Variants in GABRB1 observed in about 807,000 individuals in gnomAD.
GABRB1 encodes gamma-aminobutyric acid receptor subunit beta-1.
A neutral mutation model predicts 51.6 loss-of-function variants in GABRB1; 17 were observed. That is an observed-to-expected ratio of 0.33 (90% CI 0.23 to 0.49). GABRB1 has a LOEUF of 0.49. GABRB1 is among the 20% of genes least tolerant of loss of function. GABRB1 has a pLI of 0.99. For missense variants in GABRB1, 410 were observed against 600.6 expected (o/e 0.68, Z 3.32); for synonymous variants, 247 against 218.9 (o/e 1.13, Z -1.14).
intron 4 of GABRB1, among the ~76,000 whole-genome samples, chr4:47,210,821 T>C (rs1314154835): frequency 6.6e-6 from 1 of 152,100 alleles, no homozygotes; most frequent in Admixed American, 6.6e-5. Flanking sequence ...GACAAGTAAA[T>C]ATATTTGATT....
At chr4:47,235,793 A>C (rs6843559) in intron 4 of GABRB1, among the ~76,000 whole-genome samples, 17,939 of 152,096 alleles carry the variant, frequency 0.12, 1,290 homozygotes, top group Non-Finnish European at 0.15. Context: ...TTTATTTAAA[A>C]ATTTTTAAAC....
At chr4:47,134,012 A>C (rs1716533626) in intron 3 of GABRB1, among the ~76,000 whole-genome samples, 1 of 152,210 alleles carries the variant, frequency 6.6e-6, no homozygotes, top group Non-Finnish European at 1.5e-5. Context: ...TTTTTATCTC[A>C]GTGTTTAAGA....
chr4:47,361,185 A>G (rs890073684), intron 5 of GABRB1, among the ~76,000 whole-genome samples: 1 of 152,146 alleles, frequency 6.6e-6, no homozygotes, highest in African/African-American at 2.4e-5. Flanking sequence ...TAAGATTAAA[A>G]CAAAACAACT....
intron 3 of GABRB1, among the ~76,000 whole-genome samples, chr4:47,121,047 A>G (rs946188763): frequency 6.6e-6 from 1 of 152,156 alleles, no homozygotes; most frequent in Non-Finnish European, 1.5e-5. Flanking sequence ...AGTTGCAGTC[A>G]TTGTAACTTA....
intron 4 of GABRB1, among the ~76,000 whole-genome samples, chr4:47,258,870 T>A (rs1399025150): frequency 1.3e-5 from 2 of 152,180 alleles, no homozygotes; most frequent in African/African-American, 4.8e-5. Context: ...TCTTTAAGCC[T>A]AGGGTTATTT....
chr4:47,235,357 C>T (rs752971939), intron 4 of GABRB1, among the ~76,000 whole-genome samples: 1 of 152,088 alleles, frequency 6.6e-6, no homozygotes, highest in Non-Finnish European at 1.5e-5. Flanking sequence ...GAAGACCATC[C>T]GGGCTAACAC....
At chr4:47,078,765 A>G (rs1727682475) in intron 3 of GABRB1, among the ~76,000 whole-genome samples, 1 of 152,080 alleles carries the variant, frequency 6.6e-6, no homozygotes, top group Admixed American at 6.6e-5. Flanking sequence ...TCTTATAGCA[A>G]TTACTTACTA....
chr4:47,205,229 G>GT (rs1261358973), intron 4 of GABRB1, among the ~76,000 whole-genome samples: 2 of 152,130 alleles, frequency 1.3e-5, no homozygotes, highest in African/African-American at 2.4e-5. Flanking sequence ...CACAAGAATG[G>GT]TTTTTATAGA....
chr4:47,303,494 C>T (rs1724336779), intron 4 of GABRB1, among the ~76,000 whole-genome samples: 1 of 151,668 alleles, frequency 6.6e-6, no homozygotes, highest in Admixed American at 6.6e-5. Flanking sequence ...AAATATCTTT[C>T]TATATGTCCA....
At chr4:47,290,022 G>A (rs1437508371) in intron 4 of GABRB1, among the ~76,000 whole-genome samples, 1 of 152,200 alleles carries the variant, frequency 6.6e-6, no homozygotes, top group African/African-American at 2.4e-5. Context: ...CACAACAAAT[G>A]CTACTTCACA....
intron 4 of GABRB1, among the ~76,000 whole-genome samples, chr4:47,246,038 T>C (rs1489332556): frequency 6.7e-6 from 1 of 149,904 alleles, no homozygotes; most frequent in Non-Finnish European, 1.5e-5. Context: ...CACTGCACCA[T>C]ATTTGTAGTC....
At chr4:47,182,347 A>C (rs768331589) in intron 4 of GABRB1, among the ~76,000 whole-genome samples, 1 of 152,116 alleles carries the variant, frequency 6.6e-6, no homozygotes, top group East Asian at 1.9e-4. Flanking sequence ...CTGCAGAAAA[A>C]AGGTATGACA....
At chr4:47,397,462 C>T (rs1168430184) in intron 5 of GABRB1, among the ~76,000 whole-genome samples, 4 of 152,132 alleles carry the variant, frequency 2.6e-5, no homozygotes, top group African/African-American at 4.8e-5. Context: ...TTTATTGTTA[C>T]CCATTGATCT....
intron 1 of GABRB1, among the ~76,000 whole-genome samples, chr4:47,015,696 T>A (rs1281477378): frequency 6.6e-6 from 1 of 152,264 alleles, no homozygotes; most frequent in Non-Finnish European, 1.5e-5. Flanking sequence ...AGATTATTAA[T>A]ATGTTATACA....
chr4:47,005,168 CA>C (rs1438353239), intron 1 of GABRB1, among the ~76,000 whole-genome samples: 1 of 152,250 alleles, frequency 6.6e-6, no homozygotes, highest in Non-Finnish European at 1.5e-5. Flanking sequence ...CCTATAATCC[CA>C]GCACTTTGGG....
At position 47,331,404 on chromosome 4, in the gene GABRB1, A is replaced by C. The variant is rs569499718; in HGVS notation, c.544+11195A>C. Among the ~76,000 whole-genome samples, 294 of 152,266 alleles carry C rather than the reference A, an allele frequency of 1.9e-3. 1 individual carries two copies. The highest frequency in any genetic ancestry group is 0.01 in the Middle Eastern group (3 of 294). On this transcript the variant is annotated intron_variant, in intron 5 of 8. Transcript: ENST00000295454. ...TTTATGAAAATTAGTTTTGCAATCAACTTGACTATAAAGTTAGCCTCATAG... is the reference window on the plus strand; with the variant it reads ...TTTATGAAAATTAGTTTTGCAATCACCTTGACTATAAAGTTAGCCTCATAG...
chr4:47,097,362 A>C (rs2109599342), intron 3 of GABRB1, among the ~76,000 whole-genome samples: 1 of 152,304 alleles, frequency 6.6e-6, no homozygotes, highest in South Asian at 2.1e-4. Flanking sequence ...CTTTCTCCAG[A>C]GAGCTGCAGG....
chr4:47,266,072 C>T (rs998863291), intron 4 of GABRB1, among the ~76,000 whole-genome samples: 4 of 152,066 alleles, frequency 2.6e-5, no homozygotes, highest in African/African-American at 7.2e-5. Context: ...TTTATAGTTT[C>T]AGGTCTTACA....
chr4:47,386,537 C>T (rs972072620), intron 5 of GABRB1, among the ~76,000 whole-genome samples: 18 of 152,270 alleles, frequency 1.2e-4, no homozygotes, highest in Admixed American at 1.0e-3. Flanking sequence ...GTAACCGTCA[C>T]TGTGATCTTT....
Sources: allele counts gnomAD v4.1 joint callset (sites outside exome capture counted in the v4.1 genomes callset), GRCh38; gene constraint gnomAD v4.1.1; transcripts MANE v1.5; gene names NCBI Gene and HGNC (gene_info 2026-07-23, HGNC 2026-07-21).